PDZRN4: variants seen among roughly 807,000 people sequenced by gnomAD.
PDZRN4 encodes the protein PDZ domain-containing RING finger protein 4.
In PDZRN4, 70 loss-of-function variants were observed where a neutral mutation model predicts 99.0. The ratio of observed to expected loss-of-function variants is 0.71; its 90% CI spans 0.58 to 0.86. The LOEUF is 0.86. Ranked by LOEUF, PDZRN4 falls within the 40% of genes least tolerant of loss-of-function variation. The pLI, the probability that PDZRN4 is intolerant of heterozygous loss-of-function variation, is 0.00. For missense variants in PDZRN4, 1,474 were observed against 1,331.2 expected (o/e 1.11, Z -1.67); for synonymous variants, 551 against 501.6 (o/e 1.10, Z -1.32).
At chr12:41,341,264 G>A (rs1157497050) in intron 3 of PDZRN4, among the ~76,000 whole-genome samples, 3 of 151,646 alleles carry the variant, frequency 2.0e-5, no homozygotes, top group Non-Finnish European at 4.4e-5. Flanking sequence ...CATACTGAAT[G>A]GGGAAAACCT....
intron 3 of PDZRN4, among the ~76,000 whole-genome samples, chr12:41,338,821 A>C (rs1799094004): frequency 6.6e-6 from 1 of 152,032 alleles, no homozygotes; most frequent in African/African-American, 2.4e-5. Flanking sequence ...AACAACAACA[A>C]AATCTTTCAT....
At chr12:41,342,742 C>A (rs1260588585) in intron 3 of PDZRN4, among the ~76,000 whole-genome samples, 1 of 151,924 alleles carries the variant, frequency 6.6e-6, no homozygotes, top group Non-Finnish European at 1.5e-5. Flanking sequence ...AAAGAGAACA[C>A]TTACACACTG....
At chr12:41,206,004 A>G (rs895068399) in intron 3 of PDZRN4, among the ~76,000 whole-genome samples, 4 of 151,956 alleles carry the variant, frequency 2.6e-5, no homozygotes, top group Non-Finnish European at 2.9e-5. Flanking sequence ...ATGTCCACTC[A>G]CATTGCTGCA....
chr12:41,227,816 C>A (rs1200358766), intron 3 of PDZRN4, among the ~76,000 whole-genome samples: 1 of 147,678 alleles, frequency 6.8e-6, no homozygotes, highest in African/African-American at 2.5e-5. Context: ...AACAAAATGG[C>A]CAAAAGTAGA....
At chr12:41,509,492 A>G (rs940947789) in intron 4 of PDZRN4, 1 of 168,514 alleles carries the variant, frequency 5.9e-6, no homozygotes, top group African/African-American at 2.4e-5. Context: ...TGTCACATTC[A>G]GTGGAATGGA....
intron 3 of PDZRN4, among the ~76,000 whole-genome samples, chr12:41,209,741 T>C (rs1010377370): frequency 1.1e-4 from 16 of 149,450 alleles, no homozygotes; most frequent in African/African-American, 3.7e-4. Context: ...TAATCCAGTC[T>C]ATCGTTGTTG....
chr12:41,296,509 T>C (rs1951495266), intron 3 of PDZRN4, among the ~76,000 whole-genome samples: 1 of 152,198 alleles, frequency 6.6e-6, no homozygotes, highest in South Asian at 2.1e-4. Context: ...AAAGCTTTCC[T>C]CTTTCCTAGA....
At position 41,571,962 on chromosome 12, in the gene PDZRN4, T is replaced by C. The variant is rs185185425; in HGVS notation, c.1585-402T>C. 3.0e-3 allele frequency among the ~76,000 whole-genome samples: 463 copies of C among 152,300 alleles called. 12 individuals are homozygous for C. Among genetic ancestry groups the C allele is most frequent in the Admixed American group, 0.025 (382 of 15,290 alleles). The stretch of plus-strand genomic sequence containing the variant: ...GTGATTGTGGCTTCTGAACATCAGG[T>C]CTCCATATTGCTGAAGACTATTTAG... On this transcript the variant is annotated intron_variant, in intron 9 of 9. Coordinates refer to ENST00000402685, the MANE Select transcript of PDZRN4 (RefSeq NM_001164595.2).
intron 3 of PDZRN4, among the ~76,000 whole-genome samples, chr12:41,226,613 C>T (rs1950996849): frequency 6.6e-6 from 1 of 151,742 alleles, no homozygotes; most frequent in Non-Finnish European, 1.5e-5. Flanking sequence ...GAGTCAAGCA[C>T]AGATCCTCCC....
chr12:41,197,917 T>C (rs1950785395), intron 3 of PDZRN4, among the ~76,000 whole-genome samples: 2 of 90,624 alleles, frequency 2.2e-5, no homozygotes, highest in Non-Finnish European at 4.5e-5. Flanking sequence ...TTGTTTTTTC[T>C]GGGTTTTTTT....
chr12:41,458,877 G>T (rs1188081066), intron 3 of PDZRN4, among the ~76,000 whole-genome samples: 1 of 152,192 alleles, frequency 6.6e-6, no homozygotes, highest in Admixed American at 6.5e-5. Context: ...CCATGAGGGG[G>T]TTAGGGAGAG....
intron 8 of PDZRN4, among the ~76,000 whole-genome samples, chr12:41,567,142 A>G (rs940364162): frequency 6.6e-6 from 1 of 152,210 alleles, no homozygotes; most frequent in Non-Finnish European, 1.5e-5. Flanking sequence ...TGTTTTTCCT[A>G]TAAAATTGGG....
chr12:41,524,729 T>C (rs1443394263), intron 5 of PDZRN4, among the ~76,000 whole-genome samples: 1 of 152,140 alleles, frequency 6.6e-6, no homozygotes, highest in African/African-American at 2.4e-5. Flanking sequence ...ATGATTTCTA[T>C]TTTTATATTT....
chr12:41,560,874 G>A (rs895060539), intron 7 of PDZRN4, among the ~76,000 whole-genome samples: 1 of 152,142 alleles, frequency 6.6e-6, no homozygotes, highest in African/African-American at 2.4e-5. Flanking sequence ...AATGTCCTGA[G>A]TACAATAGCA....
chr12:41,564,131 C>T (rs987343310), intron 8 of PDZRN4, among the ~76,000 whole-genome samples: 1 of 152,098 alleles, frequency 6.6e-6, no homozygotes, highest in Non-Finnish European at 1.5e-5. Context: ...AGAAGCTCCA[C>T]GAGAGAAACA....
intron 3 of PDZRN4, among the ~76,000 whole-genome samples, chr12:41,342,096 GA>G (rs1280022216): frequency 2.0e-5 from 3 of 151,868 alleles, no homozygotes; most frequent in Admixed American, 1.3e-4. Flanking sequence ...TATATATTGG[GA>G]AAAAGATAGT....
At chr12:41,532,961 A>G (rs1938685422) in intron 5 of PDZRN4, among the ~76,000 whole-genome samples, 3 of 152,164 alleles carry the variant, frequency 2.0e-5, no homozygotes. Flanking sequence ...AATGGTCTAT[A>G]ACTATACATT....
intron 3 of PDZRN4, among the ~76,000 whole-genome samples, chr12:41,362,299 T>A (rs1951969215): frequency 6.6e-6 from 1 of 152,012 alleles, no homozygotes. Context: ...GGATTTTTTT[T>A]ATACTTCTCA....
At chr12:41,561,983 C>G (rs10785270) in intron 7 of PDZRN4, among the ~76,000 whole-genome samples, 52,633 of 151,906 alleles carry the variant, frequency 0.35, 9,672 homozygotes, top group East Asian at 0.41. Context: ...TACACACATA[C>G]TTTTCCAGAG....
Sources: gnomAD v4.1 joint callset for allele counts (sites outside exome capture counted in the v4.1 genomes callset) on GRCh38, gnomAD v4.1.1 for gene constraint, MANE v1.5 for transcripts, NCBI Gene and HGNC (gene_info 2026-07-23, HGNC 2026-07-21) for gene names.